RBMS3: variants seen among roughly 807,000 people sequenced by gnomAD.
RBMS3 encodes the protein RNA-binding motif, single-stranded-interacting protein 3.
RBMS3 carries 27 observed loss-of-function variants against 66.8 expected under a neutral mutation model. The observed-to-expected ratio is 0.40, with a 90% confidence interval of 0.30 to 0.56. RBMS3 has a LOEUF of 0.56. Among genes scored for constraint, RBMS3 ranks in the 20% least tolerant of loss-of-function variants. The pLI, the probability that RBMS3 is intolerant of heterozygous loss-of-function variation, is 0.40. For missense variants in RBMS3, 513 were observed against 549.5 expected (o/e 0.93, Z 0.66); for synonymous variants, 188 against 183.0 (o/e 1.03, Z -0.22).
chr3:29,417,064 T>C (rs912379671), intron 1 of RBMS3, among the ~76,000 whole-genome samples: 1 of 152,100 alleles, frequency 6.6e-6, no homozygotes, highest in African/African-American at 2.4e-5. Flanking sequence ...ATGAAATTAC[T>C]CTCATATAAA....
chr3:29,699,244 G>A (rs535206426), intron 4 of RBMS3, among the ~76,000 whole-genome samples: 24 of 152,274 alleles, frequency 1.6e-4, no homozygotes, highest in Non-Finnish European at 3.1e-4. Context: ...CCGCTTTCCA[G>A]GTTCAAGCAA....
In RBMS3 at chr3:29,419,759, G is replaced by A. The variant is rs78156458; in HGVS notation, c.76-14984G>A. Among the ~76,000 whole-genome samples the A allele has an allele frequency of 8.8e-3, 1,345 of 152,264 alleles. 12 individuals are homozygous for A. The highest frequency in any genetic ancestry group is 0.013 in the Non-Finnish European group (918 of 68,014). On this transcript the variant is annotated intron_variant, in intron 1 of 14. Coordinates refer to ENST00000383767, the MANE Select transcript of RBMS3 (RefSeq NM_001003793.3). ...TGTTGGCTATAGGGAGAAGGGGAGA[G>A]CGATGCATATGTAAGTTTGTGTGTA...
chr3:29,787,193 T>C (rs2056849278), intron 6 of RBMS3, among the ~76,000 whole-genome samples: 2 of 151,370 alleles, frequency 1.3e-5, no homozygotes, highest in African/African-American at 4.9e-5. Flanking sequence ...TAGATGTTGG[T>C]GTGGGTTTGG....
Position 29,784,720 on chromosome 3 carries a change from AT to A in RBMS3, c.637+21732del, listed in dbSNP as rs776875631. Among the ~76,000 whole-genome samples the A allele has an allele frequency of 1.2e-4, 19 of 152,060 alleles. 1 individual carries two copies. The highest frequency in any genetic ancestry group is 4.6e-4 in the African/African-American group (19 of 41,552). Reference sequence around the variant, plus strand: ...ACTAAATGAATTTGAAACAAAAAATATAAAAAGATAAATAAAACAAAAAGCT... The same window carrying A: ...ACTAAATGAATTTGAAACAAAAAATAAAAAAGATAAATAAAACAAAAAGCT... On this transcript the variant is annotated intron_variant, in intron 6 of 14. Coordinates refer to ENST00000383767, the MANE Select transcript of RBMS3 (RefSeq NM_001003793.3).
At chr3:29,472,746 C>T (rs1054237915) in intron 2 of RBMS3, among the ~76,000 whole-genome samples, 5 of 151,844 alleles carry the variant, frequency 3.3e-5, no homozygotes, top group Non-Finnish European at 5.9e-5. Flanking sequence ...TGCAGACCTT[C>T]GCGGTGAGTG....
chr3:29,800,845 C>T (rs1185772705), intron 6 of RBMS3, among the ~76,000 whole-genome samples: 1 of 151,930 alleles, frequency 6.6e-6, no homozygotes, highest in Admixed American at 6.6e-5. Context: ...GTATTTTGCT[C>T]TTTTATAGGA....
At chr3:29,518,495 G>A (rs1346607201) in intron 3 of RBMS3, among the ~76,000 whole-genome samples, 1 of 152,126 alleles carries the variant, frequency 6.6e-6, no homozygotes, top group Non-Finnish European at 1.5e-5. Flanking sequence ...GCTATCTCCT[G>A]ATCTATTGTA....
intron 4 of RBMS3, among the ~76,000 whole-genome samples, chr3:29,726,880 A>G (rs532234196): frequency 1.3e-4 from 20 of 152,184 alleles, no homozygotes; most frequent in Non-Finnish European, 2.6e-4. Context: ...AATTTCATAT[A>G]GAACCAAAAA....
At chr3:29,889,525 T>C (rs1210152272) in intron 8 of RBMS3, among the ~76,000 whole-genome samples, 1 of 151,616 alleles carries the variant, frequency 6.6e-6, no homozygotes, top group Non-Finnish European at 1.5e-5. Flanking sequence ...TCTTCCTCTG[T>C]GAAATAAAGA....
chr3:30,000,589 C>T (rs888639994), intron 14 of RBMS3, among the ~76,000 whole-genome samples: 5 of 152,012 alleles, frequency 3.3e-5, no homozygotes, highest in Non-Finnish European at 7.4e-5. Context: ...CACATGCCCA[C>T]GAATGTTTAC....
At chr3:29,652,324 G>A (rs2149215416) in intron 4 of RBMS3, among the ~76,000 whole-genome samples, 1 of 152,128 alleles carries the variant, frequency 6.6e-6, no homozygotes, top group East Asian at 1.9e-4. Context: ...GGTGGGAGCT[G>A]AAGTAAAGAA....
At chr3:29,970,110 G>A (rs9833335) in intron 12 of RBMS3, among the ~76,000 whole-genome samples, 33,378 of 151,984 alleles carry the variant, frequency 0.22, 3,773 homozygotes, top group African/African-American at 0.25. Flanking sequence ...TTGGTTTTCA[G>A]TAAAAATTGT....
intron 1 of RBMS3, among the ~76,000 whole-genome samples, chr3:29,302,275 G>C (rs909201198): frequency 2.6e-5 from 4 of 151,986 alleles, no homozygotes; most frequent in African/African-American, 7.2e-5. Context: ...GCCTCCCAAA[G>C]TGCTGGGATT....
At chr3:29,464,266 G>A (rs2042466387) in intron 2 of RBMS3, among the ~76,000 whole-genome samples, 4 of 152,130 alleles carry the variant, frequency 2.6e-5, no homozygotes, top group Non-Finnish European at 4.4e-5. Flanking sequence ...GGCCCTTCAT[G>A]GTCTTGAGAA....
chr3:29,804,906 A>G (rs1392920484), intron 6 of RBMS3, among the ~76,000 whole-genome samples: 4 of 148,402 alleles, frequency 2.7e-5, no homozygotes, highest in Non-Finnish European at 3.0e-5. Context: ...TTCTGGGCAA[A>G]GAATCTGCGT....
intron 12 of RBMS3, among the ~76,000 whole-genome samples, chr3:29,978,022 C>T (rs1559855818): frequency 1.3e-5 from 2 of 152,060 alleles, no homozygotes; most frequent in Non-Finnish European, 1.5e-5. Context: ...TCTCTTAGTC[C>T]TCTGCCATTT....
chr3:29,837,039 C>T (rs991954667), intron 6 of RBMS3, among the ~76,000 whole-genome samples: 1 of 151,976 alleles, frequency 6.6e-6, no homozygotes, highest in African/African-American at 2.4e-5. Context: ...CAAGTTTAGT[C>T]TTTGCCATAA....
rs559343721 is a variant in RBMS3, at chr3:29,798,596, G to T, written c.637+35607G>T. ...GCATATACAGAATGGAATAGGAGGT[G>T]TTTCCTAGAATTGGAAATGTGCTAA... On this transcript the variant is annotated intron_variant, in intron 6 of 14. Coordinates refer to ENST00000383767, the MANE Select transcript of RBMS3 (RefSeq NM_001003793.3). 1.2e-4 allele frequency among the ~76,000 whole-genome samples: 19 copies of T among 152,242 alleles called. No individual in the cohort carries two copies. In the East Asian group the frequency reaches 3.3e-3, roughly 26 times the overall value.
chr3:29,756,263 G>A (rs1453980013), intron 5 of RBMS3, among the ~76,000 whole-genome samples: 1 of 152,134 alleles, frequency 6.6e-6, no homozygotes, highest in African/African-American at 2.4e-5. Flanking sequence ...TGATCATCAT[G>A]AGACTTCACA....
Sources: gnomAD v4.1 joint callset for allele counts (sites outside exome capture counted in the v4.1 genomes callset) on GRCh38, gnomAD v4.1.1 for gene constraint, MANE v1.5 for transcripts, NCBI Gene and HGNC (gene_info 2026-07-23, HGNC 2026-07-21) for gene names.